The following ZMYM2 variants were observed in gnomAD, a reference collection of about 807,000 sequenced individuals.
ZMYM2 encodes zinc finger MYM-type containing 2.
Under a neutral mutation model 162.8 loss-of-function variants are expected in ZMYM2, and 56 were observed. The ratio of observed to expected loss-of-function variants is 0.34; its 90% CI spans 0.28 to 0.43. ZMYM2 has a LOEUF of 0.43. ZMYM2 is among the 20% of genes least tolerant of loss of function. The pLI, the probability that ZMYM2 is intolerant of heterozygous loss-of-function variation, is 1.00. For missense variants in ZMYM2, 1,275 were observed against 1,621.8 expected (o/e 0.79, Z 3.67); for synonymous variants, 510 against 541.6 (o/e 0.94, Z 0.81).
intron 12 of ZMYM2, among the ~76,000 whole-genome samples, chr13:20,045,575 A>C (rs1954694765): frequency 6.6e-6 from 1 of 152,190 alleles, no homozygotes; most frequent in Non-Finnish European, 1.5e-5. Flanking sequence ...GCAATGCTTG[A>C]TGTTAGTTTA....
At chr13:19,909,985 G>A in the ZMYM2 span, among the ~76,000 whole-genome samples, 52 of 151,748 alleles carry the variant, frequency 3.4e-4, no homozygotes, top group African/African-American at 1.2e-3. Flanking sequence ...GAAGGCCGAG[G>A]CGGGCGGATC....
At chr13:20,007,576 TTTG>T (rs1177517344) in intron 6 of ZMYM2, among the ~76,000 whole-genome samples, 1 of 152,046 alleles carries the variant, frequency 6.6e-6, no homozygotes, top group Non-Finnish European at 1.5e-5. Context: ...TAAAGATCTT[TTTG>T]TTGTCTGTGG....
At position 20,062,956 on chromosome 13, in the gene ZMYM2, A is replaced by G; in HGVS notation, c.3022A>G (p.Ile1008Val). 1 of 1,602,186 alleles carries G rather than the reference A, an allele frequency of 6.2e-7. No homozygotes were observed. The highest frequency in any genetic ancestry group is 8.5e-7 in the Non-Finnish European group (1 of 1,173,890). Residue 1008 changes from isoleucine to valine, a missense_variant, in exon 18 of 25, where the codon ATA (isoleucine) becomes GTA (valine). Physicochemically the swap from Ile to Val is conservative, Grantham distance 29. Coordinates refer to ENST00000610343, the MANE Select transcript of ZMYM2 (RefSeq NM_197968.4). ...ATATGAACCAGATTTGGATATCGAAATAGATTTTCCCAGAGGTACTCAAAA... is the reference window on the plus strand; with the variant it reads ...ATATGAACCAGATTTGGATATCGAAGTAGATTTTCCCAGAGGTACTCAAAA... ...VPYEPDLDIE[I>V]DFPRAAEELD...
chr13:20,058,200 C>A (rs1286253838), intron 14 of ZMYM2, among the ~76,000 whole-genome samples: 1 of 152,140 alleles, frequency 6.6e-6, no homozygotes, highest in African/African-American at 2.4e-5. Flanking sequence ...GCCATAATAA[C>A]TGTTGGATCT....
At chr13:19,916,008 C>T in the ZMYM2 span, among the ~76,000 whole-genome samples, 18 of 151,804 alleles carry the variant, frequency 1.2e-4, no homozygotes, top group Non-Finnish European at 2.2e-4. Flanking sequence ...TACAGGGGCC[C>T]GCCACCACAC....
the ZMYM2 span, among the ~76,000 whole-genome samples, chr13:19,950,856 A>G: frequency 2.0e-5 from 3 of 152,214 alleles, no homozygotes; most frequent in Admixed American, 6.5e-5. Flanking sequence ...GAAATAATCT[A>G]ATCTTTCCCT....
intron 12 of ZMYM2, among the ~76,000 whole-genome samples, chr13:20,041,252 G>A (rs1954221450): frequency 6.6e-6 from 1 of 152,240 alleles, no homozygotes; most frequent in East Asian, 1.9e-4. Context: ...CCTGTGTTGG[G>A]TGCATTTATA....
the ZMYM2 span, among the ~76,000 whole-genome samples, chr13:19,893,832 T>C: frequency 6.6e-6 from 1 of 151,588 alleles, no homozygotes; most frequent in East Asian, 1.9e-4. Context: ...AATAAAAATA[T>C]ATCTTTTTTA....
At chr13:20,033,034 A>G (rs994369916) in intron 10 of ZMYM2, among the ~76,000 whole-genome samples, 3 of 151,992 alleles carry the variant, frequency 2.0e-5, no homozygotes, top group African/African-American at 7.3e-5. Flanking sequence ...ACCAATCCCT[A>G]TTTGAGACTG....
the ZMYM2 span, among the ~76,000 whole-genome samples, chr13:19,910,579 G>A: frequency 1.3e-5 from 2 of 148,708 alleles, no homozygotes; most frequent in South Asian, 2.1e-4. Context: ...CAGGCTGAGT[G>A]CAGTGGTGTG....
At chr13:20,075,260 G>C (rs1022197368) in intron 21 of ZMYM2, among the ~76,000 whole-genome samples, 4 of 152,092 alleles carry the variant, frequency 2.6e-5, no homozygotes, top group African/African-American at 9.7e-5. Context: ...ATTTTCTTCC[G>C]TATGTCTATG....
chr13:20,067,445 A>G, intron 21 of ZMYM2, 55 bp downstream of exon 21: 1 of 1,486,930 alleles, frequency 6.7e-7, no homozygotes, highest in South Asian at 1.4e-5. Flanking sequence ...AAGTTGTGGT[A>G]GTTCTTGTTT....
chr13:20,075,561 C>T (rs1957423383), intron 21 of ZMYM2, among the ~76,000 whole-genome samples: 1 of 151,762 alleles, frequency 6.6e-6, no homozygotes, highest in Non-Finnish European at 1.5e-5. Context: ...GATAGGAAAT[C>T]CTACGATAAC....
the ZMYM2 span, among the ~76,000 whole-genome samples, chr13:19,883,578 A>G: frequency 6.6e-6 from 1 of 152,170 alleles, no homozygotes; most frequent in African/African-American, 2.4e-5. Flanking sequence ...AACAAATTCT[A>G]AGCCCAGGCT....
At chr13:19,990,638 C>T (rs749388803) in intron 2 of ZMYM2, among the ~76,000 whole-genome samples, 9 of 152,110 alleles carry the variant, frequency 5.9e-5, no homozygotes, top group Non-Finnish European at 1.2e-4. Context: ...TGCTACAAGA[C>T]GTACAGTGAA....
the ZMYM2 span, among the ~76,000 whole-genome samples, chr13:19,930,841 T>G: frequency 6.6e-6 from 1 of 151,294 alleles, no homozygotes; most frequent in East Asian, 2.0e-4. Context: ...ACCTGGACCC[T>G]TTTATTAATA....
At chr13:19,933,777 G>A in the ZMYM2 span, among the ~76,000 whole-genome samples, 1 of 152,128 alleles carries the variant, frequency 6.6e-6, no homozygotes, top group Non-Finnish European at 1.5e-5. Flanking sequence ...TGTTAGATGT[G>A]GGCCACACAT....
chr13:19,961,115 G>GTT (rs77856282), intron 2 of ZMYM2, among the ~76,000 whole-genome samples: 13 of 134,756 alleles, frequency 9.6e-5, no homozygotes, highest in South Asian at 7.3e-4. Context: ...CAATTCTAAG[G>GTT]TTTTTTTTTT....
chr13:19,906,125 A>G, the ZMYM2 span, among the ~76,000 whole-genome samples: 1 of 151,580 alleles, frequency 6.6e-6, no homozygotes, highest in Non-Finnish European at 1.5e-5. Flanking sequence ...AATACAAAAA[A>G]TTAGCCGGGC....
Sources: gnomAD v4.1 joint callset for allele counts (sites outside exome capture counted in the v4.1 genomes callset) on GRCh38, gnomAD v4.1.1 for gene constraint, MANE v1.5 for transcripts, NCBI Gene and HGNC (gene_info 2026-07-23, HGNC 2026-07-21) for gene names.